TP63: variants seen among roughly 807,000 people sequenced by gnomAD.
The protein encoded by TP63 is tumor protein 63.
TP63 carries 17 observed loss-of-function variants against 82.8 expected under a neutral mutation model. That is an observed-to-expected ratio of 0.21 (90% CI 0.14 to 0.31). The LOEUF is 0.31. Ranked by LOEUF, TP63 falls within the 10% of genes least tolerant of loss-of-function variation. The probability of loss-of-function intolerance (pLI) is 1.00; values close to 1 mark genes in which losing one functional copy is unlikely to be tolerated. For missense variants in TP63, 648 were observed against 895.3 expected (o/e 0.72, Z 3.52); for synonymous variants, 330 against 321.7 (o/e 1.03, Z -0.28).
intron 4 of TP63, among the ~76,000 whole-genome samples, chr3:189,850,717 TAAAGTA>T (rs1715516048): frequency 6.6e-6 from 1 of 152,030 alleles, no homozygotes; most frequent in Non-Finnish European, 1.5e-5. Context: ...CCCTAAAACT[TAAAGTA>T]TAATAATAAT....
intron 3 of TP63, among the ~76,000 whole-genome samples, chr3:189,802,772 A>C (rs1726455352): frequency 6.6e-6 from 1 of 152,184 alleles, no homozygotes; most frequent in Admixed American, 6.5e-5. Context: ...CATGGATTAT[A>C]AATACAATTT....
At position 189,719,336 on chromosome 3, in the gene TP63, G is replaced by A. The variant is rs1351125902; in HGVS notation, c.63-18404G>A. Among the ~76,000 whole-genome samples the A allele has an allele frequency of 2.0e-5, 3 of 152,050 alleles. 1 individual carries two copies. Among genetic ancestry groups the A allele is most frequent in the African/African-American group, 2.4e-5 (1 of 41,392 alleles). ...CTTAGTTATAAGCTTCCTAATCTGC[G>A]CTTGCAGAGTCCATGATGCTCAGTT... is the stretch of plus-strand genomic sequence containing the variant. On this transcript the variant is annotated intron_variant, in intron 1 of 13. Transcript: ENST00000264731.
the TP63 span, among the ~76,000 whole-genome samples, chr3:189,603,690 G>A: frequency 7.4e-6 from 1 of 135,158 alleles, no homozygotes; most frequent in Non-Finnish European, 1.6e-5. Flanking sequence ...GCACAGTCCT[G>A]GAGTTACAGA....
chr3:189,895,806 T>G lies in TP63; in HGVS notation c.*1304T>G, dbSNP rs1009012287. ...AAGGTTTACAATAGGAGTGGTGATTTGAAAAATATAAAATTATGAGATTGG... is the reference window on the plus strand; with the variant it reads ...AAGGTTTACAATAGGAGTGGTGATTGGAAAAATATAAAATTATGAGATTGG... On this transcript the variant is annotated 3_prime_UTR_variant, in exon 14 of 14. Transcript: ENST00000264731. The G allele has an allele frequency of 1.3e-5, 3 of 226,140 alleles. No individual in the cohort carries two copies. The highest frequency in any genetic ancestry group is 5.7e-5 in the Admixed American group (1 of 17,532). 14.0% of individuals were successfully genotyped at this position (226,140 alleles called of 1,614,324 possible). A position where few individuals can be genotyped will look rare whatever the true frequency, so the allele number is the denominator to read the frequency against.
intron 3 of TP63, among the ~76,000 whole-genome samples, chr3:189,793,834 T>A (rs533081403): frequency 6.6e-6 from 1 of 152,248 alleles, no homozygotes; most frequent in Admixed American, 6.5e-5. Context: ...AAGTGGGCGC[T>A]CAATTTTCTT....
At chr3:189,759,043 G>T (rs1722382625) in intron 3 of TP63, among the ~76,000 whole-genome samples, 1 of 152,216 alleles carries the variant, frequency 6.6e-6, no homozygotes, top group South Asian at 2.1e-4. Flanking sequence ...TAATGATTAA[G>T]AGCGTGGGCT....
intron 1 of TP63, among the ~76,000 whole-genome samples, chr3:189,650,444 A>G (rs987537784): frequency 1.4e-5 from 2 of 146,672 alleles, no homozygotes; most frequent in African/African-American, 5.1e-5. Context: ...CCCATCTGTT[A>G]TGAGATGAAC....
chr3:189,693,456 A>AG (rs1334970948), intron 1 of TP63, among the ~76,000 whole-genome samples: 1 of 152,182 alleles, frequency 6.6e-6, no homozygotes, highest in Non-Finnish European at 1.5e-5. Flanking sequence ...AAGCTGGGTA[A>AG]AATACCTGAA....
At chr3:189,779,285 G>T (rs1437234634) in intron 3 of TP63, among the ~76,000 whole-genome samples, 1 of 152,154 alleles carries the variant, frequency 6.6e-6, no homozygotes, top group Non-Finnish European at 1.5e-5. Context: ...TGCAGATAAT[G>T]TTTTCTTACA....
chr3:189,860,046 T>C (rs921272673), intron 4 of TP63, among the ~76,000 whole-genome samples: 1 of 152,130 alleles, frequency 6.6e-6, no homozygotes, highest in African/African-American at 2.4e-5. Flanking sequence ...ATTGTAGTAG[T>C]AGTTGCACAA....
At chr3:189,881,034 C>T in intron 10 of TP63, 2 of 985,368 alleles carry the variant, frequency 2.0e-6, no homozygotes, top group Non-Finnish European at 2.4e-6. Context: ...TAGTTGTTTA[C>T]CATTATTCAA....
intron 1 of TP63, among the ~76,000 whole-genome samples, chr3:189,727,461 G>A (rs370741564): frequency 6.6e-6 from 1 of 152,124 alleles, no homozygotes; most frequent in Admixed American, 6.5e-5. Context: ...ACAGATGCTC[G>A]GCTGAGGTTG....
intron 1 of TP63, among the ~76,000 whole-genome samples, chr3:189,694,554 C>T (rs530768932): frequency 2.0e-5 from 3 of 152,084 alleles, no homozygotes; most frequent in East Asian, 3.9e-4. Flanking sequence ...TTAGACTTTG[C>T]ATTTTTTAAT....
At chr3:189,713,819 A>G (rs1054916056) in intron 1 of TP63, among the ~76,000 whole-genome samples, 6 of 152,088 alleles carry the variant, frequency 3.9e-5, no homozygotes, top group African/African-American at 1.4e-4. Flanking sequence ...ATTGAATATT[A>G]TTTCAATAAA....
intron 1 of TP63, among the ~76,000 whole-genome samples, chr3:189,721,195 G>A (rs535707094): frequency 7.2e-5 from 11 of 152,238 alleles, no homozygotes; most frequent in East Asian, 5.8e-4. Flanking sequence ...ACCAGAAGTC[G>A]TGAATAGATT....
intron 3 of TP63, among the ~76,000 whole-genome samples, chr3:189,751,269 G>A (rs1333787419): frequency 4.6e-5 from 7 of 152,182 alleles, no homozygotes; most frequent in East Asian, 1.9e-4. Context: ...GAATAGTGCC[G>A]CAATAAACAT....
intron 3 of TP63, among the ~76,000 whole-genome samples, chr3:189,784,511 A>C (rs539899890): frequency 6.6e-6 from 1 of 152,094 alleles, no homozygotes; most frequent in Non-Finnish European, 1.5e-5. Context: ...CATAGTATCT[A>C]AGGCATAATT....
At chr3:189,775,600 C>G (rs1406045183) in intron 3 of TP63, among the ~76,000 whole-genome samples, 1 of 152,218 alleles carries the variant, frequency 6.6e-6, no homozygotes, top group African/African-American at 2.4e-5. Context: ...TTATACTTCT[C>G]TGAATGTTGT....
At chr3:189,675,975 C>G (rs6804873) in intron 1 of TP63, among the ~76,000 whole-genome samples, 27,497 of 135,126 alleles carry the variant, frequency 0.2, 2,653 homozygotes, top group East Asian at 0.45. Context: ...AACCGTGAAC[C>G]CTTTGAAAAA....
Sources: allele counts gnomAD v4.1 joint callset (sites outside exome capture counted in the v4.1 genomes callset), GRCh38; gene constraint gnomAD v4.1.1; transcripts MANE v1.5; gene names NCBI Gene and HGNC (gene_info 2026-07-23, HGNC 2026-07-21).